XYLB: variants seen among roughly 807,000 people sequenced by gnomAD.
The protein encoded by XYLB is xylulose kinase.
In XYLB, 62 loss-of-function variants were observed where a neutral mutation model predicts 78.7. The ratio of observed to expected loss-of-function variants is 0.79; its 90% confidence interval spans 0.64 to 0.97. The LOEUF (loss-of-function observed/expected upper bound fraction) is 0.97, where lower values mean the gene tolerates loss of function less well. XYLB is among the 50% of genes least tolerant of loss of function. The probability of loss-of-function intolerance (pLI) is 0.00; values close to 1 mark genes in which losing one functional copy is unlikely to be tolerated. For synonymous variants in XYLB, 245 were observed against 247.4 expected (o/e 0.99, Z 0.09); for missense variants, 687 against 676.8 (o/e 1.02, Z -0.17).
At chr3:38,415,523 C>T (rs553929393), downstream of XYLB, among the ~76,000 whole-genome samples, 1 of 152,308 alleles carries the variant, frequency 6.6e-6, no homozygotes, top group East Asian at 1.9e-4. Context: ...TGGCTCATGT[C>T]TGTAATCCCA....
Position 38,411,116 on chromosome 3 carries a change from G to T in XYLB, c.1534-1820G>T, listed in dbSNP as rs147994961. 2.6e-3 allele frequency among the ~76,000 whole-genome samples: 401 copies of T among 152,206 alleles called. 1 individual carries two copies. Among genetic ancestry groups the T allele is most frequent in the African/African-American group, 9.1e-3 (379 of 41,518 alleles). On this transcript the variant is annotated intron_variant, in intron 18 of 18. Transcript: ENST00000207870. ...TTGCGGCACTATTCACAATAGCAAA[G>T]ACTTGGAACCAACCCAAATGTCTAC...
intron 18 of XYLB, among the ~76,000 whole-genome samples, chr3:38,402,229 C>G (rs150779370): frequency 2.0e-5 from 3 of 152,244 alleles, no homozygotes; most frequent in Non-Finnish European, 2.9e-5. Flanking sequence ...ACTTTGCCAC[C>G]AAAGGAGACA....
chr3:38,434,381 C>T, the XYLB span, among the ~76,000 whole-genome samples: 3 of 152,248 alleles, frequency 2.0e-5, no homozygotes, highest in Non-Finnish European at 2.9e-5. Context: ...GATTTCTCAG[C>T]AGAAACCTTA....
chr3:38,383,141 G>A (rs1422544525), intron 15 of XYLB, among the ~76,000 whole-genome samples: 1 of 152,204 alleles, frequency 6.6e-6, no homozygotes, highest in African/African-American at 2.4e-5. Context: ...CAGTTCCTTA[G>A]CAATTAATCT....
At chr3:38,354,771 T>G (rs1474730719) in intron 2 of XYLB, among the ~76,000 whole-genome samples, 1 of 152,206 alleles carries the variant, frequency 6.6e-6, no homozygotes, top group Non-Finnish European at 1.5e-5. Flanking sequence ...CCCAGGGTGC[T>G]GGGATTACAG....
At chr3:38,389,313 G>A (rs1707542073) in intron 15 of XYLB, among the ~76,000 whole-genome samples, 2 of 149,986 alleles carry the variant, frequency 1.3e-5, no homozygotes, top group African/African-American at 5.0e-5. Flanking sequence ...TCTTAGTACA[G>A]AACAAAATGA....
chr3:38,401,298 A>T (rs1708116210), intron 18 of XYLB, among the ~76,000 whole-genome samples: 1 of 152,120 alleles, frequency 6.6e-6, no homozygotes, highest in Non-Finnish European at 1.5e-5. Context: ...CTGAAATTCA[A>T]GACATGCTGG....
chr3:38,357,750 C>T (rs1416628166), intron 2 of XYLB, among the ~76,000 whole-genome samples: 7 of 150,574 alleles, frequency 4.6e-5, no homozygotes, highest in Non-Finnish European at 1.0e-4. Context: ...ATGTGAAATG[C>T]AATCTCACTG....
At chr3:38,444,920 C>G in the XYLB span, among the ~76,000 whole-genome samples, 1 of 152,022 alleles carries the variant, frequency 6.6e-6, no homozygotes, top group African/African-American at 2.4e-5. Flanking sequence ...ACAAGGAGGA[C>G]TGAGGAAGGT....
At chr3:38,437,219 C>T in the XYLB span, among the ~76,000 whole-genome samples, 2 of 151,910 alleles carry the variant, frequency 1.3e-5, no homozygotes, top group Admixed American at 1.3e-4. Context: ...AATTCAACAT[C>T]CCTTCATGAT....
intron 18 of XYLB, 133 bp downstream of exon 18, chr3:38,401,118 T>A: frequency 1.3e-6 from 1 of 777,052 alleles, no homozygotes; most frequent in Non-Finnish European, 2.1e-6. Context: ...TTATTGAAAT[T>A]ATCAAGAAAA....
At chr3:38,357,865 T>A (rs1291858585) in intron 2 of XYLB, among the ~76,000 whole-genome samples, 1 of 151,164 alleles carries the variant, frequency 6.6e-6, no homozygotes, top group Non-Finnish European at 1.5e-5. Context: ...TGCCCTTTTT[T>A]AAAAAAAAAC....
At chr3:38,368,340 C>T (rs1280283902) in intron 8 of XYLB, 83 bp downstream of exon 8, 3 of 1,262,700 alleles carry the variant, frequency 2.4e-6, no homozygotes, top group Non-Finnish European at 3.5e-6. Flanking sequence ...CCCACCTACC[C>T]CGAGTGGGTG....
At chr3:38,355,647 A>C in intron 2 of XYLB, 1 of 690,974 alleles carries the variant, frequency 1.4e-6, no homozygotes, top group Non-Finnish European at 2.6e-6. Context: ...AGCCAGTGGA[A>C]TATAAGAAAA....
At chr3:38,417,879 C>CAA (rs534465318), downstream of XYLB, among the ~76,000 whole-genome samples, 1,626 of 91,442 alleles carry the variant, frequency 0.018, 56 homozygotes, top group African/African-American at 0.055. Context: ...GACTTCATCT[C>CAA]AAAAAAAAAA....
At chr3:38,401,134 C>G (rs1708110752) in intron 18 of XYLB, 149 bp downstream of exon 18, 3 of 687,832 alleles carry the variant, frequency 4.4e-6, no homozygotes, top group Non-Finnish European at 7.4e-6. Flanking sequence ...GAAAATGGAG[C>G]TAAAGGGCCA....
the XYLB span, among the ~76,000 whole-genome samples, chr3:38,438,469 A>T: frequency 1.3e-5 from 2 of 152,238 alleles, no homozygotes; most frequent in Non-Finnish European, 2.9e-5. Flanking sequence ...ATCTATCAAA[A>T]TACTAACATC....
chr3:38,430,815 C>T, the XYLB span, among the ~76,000 whole-genome samples: 2 of 152,150 alleles, frequency 1.3e-5, no homozygotes, highest in Non-Finnish European at 2.9e-5. Flanking sequence ...ATAGGGAATC[C>T]TTTCCCCATT....
intron 10 of XYLB, 48 bp downstream of exon 10, chr3:38,372,784 A>G: frequency 6.3e-7 from 1 of 1,590,738 alleles, no homozygotes; most frequent in South Asian, 1.1e-5. Flanking sequence ...GACTGGGTCC[A>G]TGCTGGATGT....
Sources: gnomAD v4.1 joint callset for allele counts (sites outside exome capture counted in the v4.1 genomes callset) on GRCh38, gnomAD v4.1.1 for gene constraint, MANE v1.5 for transcripts, NCBI Gene and HGNC (gene_info 2026-07-23, HGNC 2026-07-21) for gene names.